Variants in PTP4A2 observed in about 807,000 individuals in gnomAD.
PTP4A2 encodes the protein protein tyrosine phosphatase type IVA 2.
In PTP4A2, 2 loss-of-function variants were observed where a neutral mutation model predicts 22.9. The ratio of observed to expected loss-of-function variants is 0.09; its 90% CI spans 0.04 to 0.27. The LOEUF (loss-of-function observed/expected upper bound fraction) is 0.27. PTP4A2 is among the 10% of genes least tolerant of loss of function. The pLI is 1.00. For synonymous variants in PTP4A2, 68 were observed against 69.1 expected (o/e 0.98, Z 0.08); for missense variants, 103 against 205.1 (o/e 0.50, Z 3.04).
chr1:31,909,906 A>G, intron 5 of PTP4A2, 132 bp downstream of exon 5: 1 of 706,248 alleles, frequency 1.4e-6, no homozygotes, highest in Non-Finnish European at 2.3e-6. Context: ...TAAATTTTTT[A>G]CATCTTCAAA....
At chr1:31,922,606 C>CTTTCTTTCTTTCTT (rs1553211676) in intron 1 of PTP4A2, among the ~76,000 whole-genome samples, 8 of 132,132 alleles carry the variant, frequency 6.1e-5, no homozygotes, top group African/African-American at 3.2e-4. Flanking sequence ...TTCTTTCTTT[C>CTTTCTTTCTTTCTT]TTTCTTTCTT....
intron 3 of PTP4A2, chr1:31,913,057 T>TA (rs1467778204): frequency 4.4e-6 from 2 of 452,042 alleles, no homozygotes; most frequent in Admixed American, 4.9e-5. Flanking sequence ...ATGCTTCACT[T>TA]ACTCATATAA....
At chr1:31,926,149 A>AATATATATATATAT (rs1553212254) in intron 1 of PTP4A2, among the ~76,000 whole-genome samples, 114 of 130,488 alleles carry the variant, frequency 8.7e-4, no homozygotes, top group Non-Finnish European at 1.3e-3. Context: ...AAAAAAAAAA[A>AATATATATATATAT]ATATATATAT....
In PTP4A2 at chr1:31,907,889, C is replaced by T. The variant is rs1298463199; in HGVS notation, c.*963G>A. 6.6e-6 allele frequency: 1 copy of T among 151,316 alleles called. No individual in the cohort carries two copies. Among genetic ancestry groups the T allele is most frequent in the Non-Finnish European group, 1.5e-5 (1 of 67,850 alleles). 9.4% of individuals were successfully genotyped at this position (151,316 alleles called of 1,614,324 possible). The stretch of plus-strand genomic sequence containing the variant: ...GCCTGGAGTCCTCCCTTTTAGAAGA[C>T]AAGTTTCTGGGATAACCACTTAGCT... On this transcript the variant is annotated 3_prime_UTR_variant, in exon 6 of 6. Coordinates refer to ENST00000647444, the MANE Select transcript of PTP4A2 (RefSeq NM_080391.4).
chr1:31,912,758 G>C (rs1416750714), intron 3 of PTP4A2, among the ~76,000 whole-genome samples: 1 of 152,152 alleles, frequency 6.6e-6, no homozygotes, highest in East Asian at 1.9e-4. Context: ...ATTCTAATGA[G>C]ATTGGATAAG....
chr1:31,906,635 TA>T lies in PTP4A2; in HGVS notation c.*2216del, dbSNP rs1172846140. ...TTAGTCTTTAAAATAAAAGGAGGGC[TA>T]ATGTTTCATGTTGCTTTATACATCC... On this transcript the variant is annotated 3_prime_UTR_variant, in exon 6 of 6. Coordinates refer to ENST00000647444, the MANE Select transcript of PTP4A2 (RefSeq NM_080391.4). The T allele has an allele frequency of 6.6e-6, 1 of 152,248 alleles. No individual in the cohort carries two copies. The highest frequency in any genetic ancestry group is 2.1e-4 in the South Asian group (1 of 4,828). The allele number at this position is 152,248 out of a possible 1,614,324, so 9.4% of individuals were successfully genotyped here.
Position 31,908,113 on chromosome 1 carries a change from AAT to A in PTP4A2, c.*737_*738del, listed in dbSNP as rs1243033280. ...AGTAAAGACTAAAAACCACCTGGAA[AAT>A]ATATATATATATATATATATTATAT... On this transcript the variant is annotated 3_prime_UTR_variant, in exon 6 of 6. Coordinates refer to ENST00000647444, the MANE Select transcript of PTP4A2 (RefSeq NM_080391.4). The A allele has an allele frequency of 5.0e-5, 1 of 19,890 alleles. No individual in the cohort carries two copies. Among genetic ancestry groups the A allele is most frequent in the African/African-American group, 2.9e-4 (1 of 3,472 alleles). The allele number at this position is 19,890 out of a possible 1,614,324, so 1.2% of individuals were successfully genotyped here.
Position 31,911,865 on chromosome 1 carries a change from C to A in PTP4A2, c.190-39G>T, listed in dbSNP as rs777106381. The A allele has an allele frequency of 1.6e-5, 24 of 1,504,780 alleles. No homozygotes were observed. In the South Asian group the frequency reaches 3.0e-4, roughly 19 times the overall value. 93.2% of individuals were successfully genotyped at this position (1,504,780 alleles called of 1,614,324 possible). On this transcript the variant is annotated intron_variant, in intron 3 of 5. Transcript: ENST00000647444. ...ACCTTTTACATTAAATTGATATTTT[C>A]TCCATGATTAACATCCTAATACAGA...
intron 1 of PTP4A2, among the ~76,000 whole-genome samples, chr1:31,934,304 A>G (rs762863442): frequency 1.2e-4 from 19 of 152,194 alleles, no homozygotes; most frequent in Non-Finnish European, 2.4e-4. Flanking sequence ...CCTGATTCTT[A>G]AGCAAAATTT....
intron 1 of PTP4A2, among the ~76,000 whole-genome samples, chr1:31,920,984 C>A (rs530357139): frequency 4.6e-5 from 7 of 152,218 alleles, no homozygotes; most frequent in African/African-American, 1.4e-4. Flanking sequence ...GGATTTTATT[C>A]TTTCTATCCA....
At chr1:31,920,180 A>G (rs1200273300) in intron 1 of PTP4A2, among the ~76,000 whole-genome samples, 3 of 148,330 alleles carry the variant, frequency 2.0e-5, no homozygotes, top group South Asian at 4.3e-4. Flanking sequence ...GTGGTGGCTG[A>G]TGCCTGTAAT....
At position 31,918,907 on chromosome 1, in the gene PTP4A2, G is replaced by C. The variant is rs938411285; in HGVS notation, c.96+63C>G. On this transcript the variant is annotated intron_variant, in intron 2 of 5. Coordinates refer to ENST00000647444, the MANE Select transcript of PTP4A2 (RefSeq NM_080391.4). ...CAGAATAAATGGCTTTGTGCTAAGA[G>C]AATTTTTTAATGGGATTTTACCTAG... The C allele has an allele frequency of 1.1e-5, 11 of 981,092 alleles. No homozygotes were observed. In the African/African-American group the frequency reaches 1.8e-4, roughly 16 times the overall value. 60.8% of individuals were successfully genotyped at this position (981,092 alleles called of 1,614,324 possible). A position where few individuals can be genotyped will look rare whatever the true frequency, so the allele number is the denominator to read the frequency against.
chr1:31,911,674 G>A (rs1651540232), intron 4 of PTP4A2, 22 bp downstream of exon 4: 1 of 1,546,110 alleles, frequency 6.5e-7, no homozygotes, highest in African/African-American at 1.4e-5. Flanking sequence ...AGACAAAAAG[G>A]GTAATAAAGG....
rs1004823878 is a variant in PTP4A2 at position 31,906,983 on chromosome 1, G to A, written c.*1869C>T. ...TTTGGATATACCATTATGTTTTAAA[G>A]TCCTAGAAACAATTTCGAAAAGCAT... is the stretch of plus-strand genomic sequence containing the variant. On this transcript the variant is annotated 3_prime_UTR_variant, in exon 6 of 6. Coordinates refer to ENST00000647444, the MANE Select transcript of PTP4A2 (RefSeq NM_080391.4). 1.8e-4 allele frequency: 27 copies of A among 152,160 alleles called. No homozygotes were observed. Among genetic ancestry groups the A allele is most frequent in the African/African-American group, 6.5e-4 (27 of 41,438 alleles). 9.4% of individuals were successfully genotyped at this position (152,160 alleles called of 1,614,324 possible). A position where few individuals can be genotyped will look rare whatever the true frequency, so the allele number is the denominator to read the frequency against.
intron 1 of PTP4A2, 110 bp downstream of exon 1, chr1:31,937,877 T>G: frequency 1.4e-5 from 2 of 141,156 alleles, no homozygotes; most frequent in African/African-American, 2.6e-5. Flanking sequence ...CCGGCCCTCC[T>G]TCCGGGGACG....
intron 2 of PTP4A2, 102 bp downstream of exon 2, chr1:31,918,868 G>T: frequency 1.5e-6 from 1 of 674,328 alleles, no homozygotes; most frequent in Non-Finnish European, 2.6e-6. Flanking sequence ...GGATTGGCAG[G>T]ATGACTCCAA....
At chr1:31,930,202 G>A (rs1279412821) in intron 1 of PTP4A2, among the ~76,000 whole-genome samples, 5 of 152,044 alleles carry the variant, frequency 3.3e-5, no homozygotes, top group African/African-American at 7.3e-5. Context: ...GCCGGGCGAG[G>A]TGGCGGGCGC....
chr1:31,916,807 G>A (rs190349352), intron 2 of PTP4A2, among the ~76,000 whole-genome samples: 33 of 152,256 alleles, frequency 2.2e-4, no homozygotes, highest in Admixed American at 7.2e-4. Context: ...GATCCTATCT[G>A]TATGTGTATT....
At chr1:31,926,022 G>A (rs59014159) in intron 1 of PTP4A2, among the ~76,000 whole-genome samples, 10 of 150,042 alleles carry the variant, frequency 6.7e-5, no homozygotes, top group Admixed American at 1.3e-4. Flanking sequence ...CCAGCTACTC[G>A]GGAGGCTGAG....
Sources: gnomAD v4.1 joint callset for allele counts (sites outside exome capture counted in the v4.1 genomes callset) on GRCh38, gnomAD v4.1.1 for gene constraint, MANE v1.5 for transcripts, NCBI Gene and HGNC (gene_info 2026-07-23, HGNC 2026-07-21) for gene names.